The following BLK variants were observed in gnomAD, a reference collection of about 807,000 sequenced individuals.
BLK encodes the protein BLK proto-oncogene, Src family tyrosine kinase.
A neutral mutation model predicts 61.8 loss-of-function variants in BLK; 64 were observed. That is an observed-to-expected ratio of 1.03 (90% CI 0.85 to 1.27). The LOEUF is 1.27. Among genes scored for constraint, BLK ranks in the 50% most tolerant of loss-of-function variants. The probability of loss-of-function intolerance (pLI) is 0.00; values close to 1 mark genes in which losing one functional copy is unlikely to be tolerated. For synonymous variants in BLK, 351 were observed against 272.0 expected (o/e 1.29, Z -2.86); for missense variants, 853 against 660.5 (o/e 1.29, Z -3.19).
chr8:11,543,385 T>C (rs1410881140), intron 2 of BLK, 38 bp downstream of exon 2: 1 of 1,609,686 alleles, frequency 6.2e-7, no homozygotes, highest in Non-Finnish European at 8.5e-7. Context: ...GCAGATTACT[T>C]ACTTCTCCTA....
intron 11 of BLK, among the ~76,000 whole-genome samples, chr8:11,562,592 G>T (rs377530440): frequency 6.6e-6 from 1 of 152,200 alleles, no homozygotes; most frequent in East Asian, 1.9e-4. Flanking sequence ...TAACGGAGGC[G>T]CCCGCAGGTT....
chr8:11,534,532 AC>A (rs1351706159), intron 1 of BLK, among the ~76,000 whole-genome samples: 1 of 152,204 alleles, frequency 6.6e-6, no homozygotes, highest in African/African-American at 2.4e-5. Context: ...CTTTGACTTA[AC>A]ACAGCTTTAT....
At chr8:11,542,452 G>T (rs1228151932) in intron 1 of BLK, among the ~76,000 whole-genome samples, 1 of 152,202 alleles carries the variant, frequency 6.6e-6, no homozygotes, top group Non-Finnish European at 1.5e-5. Context: ...TCTCAGGTCA[G>T]ACTGGACTCC....
intron 1 of BLK, among the ~76,000 whole-genome samples, chr8:11,524,602 C>A (rs182952618): frequency 1.3e-5 from 2 of 152,056 alleles, no homozygotes; most frequent in Non-Finnish European, 2.9e-5. Flanking sequence ...TGCTCTTGAG[C>A]GTGGGAATCC....
chr8:11,554,249 T>G, intron 6 of BLK: 1 of 193,968 alleles, frequency 5.2e-6, no homozygotes, highest in Non-Finnish European at 1.1e-5. Context: ...GCAAATGACT[T>G]TGAACAGAGC....
intron 10 of BLK, among the ~76,000 whole-genome samples, chr8:11,559,492 TACACAAAC>T (rs1563124405): frequency 8.3e-5 from 12 of 144,630 alleles, no homozygotes; most frequent in African/African-American, 3.1e-4. Flanking sequence ...CAAACACATT[TACACAAAC>T]TCACAAACTC....
intron 1 of BLK, among the ~76,000 whole-genome samples, chr8:11,540,458 G>A (rs1356548741): frequency 6.6e-6 from 1 of 151,924 alleles, no homozygotes; most frequent in Non-Finnish European, 1.5e-5. Context: ...ATAAAGCTAG[G>A]TTAAGACTTA....
At chr8:11,495,432 T>C (rs1342484318) in intron 1 of BLK, among the ~76,000 whole-genome samples, 4 of 152,144 alleles carry the variant, frequency 2.6e-5, no homozygotes, top group African/African-American at 4.8e-5. Context: ...AAATAGTAGC[T>C]CTGTAGAGGA....
At chr8:11,561,692 T>C (rs1401347241) in intron 11 of BLK, among the ~76,000 whole-genome samples, 2 of 152,184 alleles carry the variant, frequency 1.3e-5, no homozygotes, top group Non-Finnish European at 2.9e-5. Flanking sequence ...GAAACAGCAG[T>C]CCACCCTACT....
chr8:11,546,211 A>G, intron 3 of BLK, 108 bp downstream of exon 3: 1 of 1,360,576 alleles, frequency 7.3e-7, no homozygotes, highest in Non-Finnish European at 1.0e-6. Flanking sequence ...GGGCTGGAGA[A>G]GAGAAAACGG....
intron 1 of BLK, among the ~76,000 whole-genome samples, chr8:11,496,650 A>G (rs1352529381): frequency 6.6e-6 from 1 of 152,200 alleles, no homozygotes. Flanking sequence ...TGGCACCCCA[A>G]GCACAGGCCC....
intron 1 of BLK, among the ~76,000 whole-genome samples, chr8:11,532,954 C>T (rs1164380189): frequency 6.6e-6 from 1 of 152,208 alleles, no homozygotes; most frequent in African/African-American, 2.4e-5. Context: ...CCTTAAGCCT[C>T]AAGGAGCCTG....
chr8:11,499,164 T>A (rs1053544763), intron 1 of BLK, among the ~76,000 whole-genome samples: 8 of 152,234 alleles, frequency 5.3e-5, no homozygotes, highest in Non-Finnish European at 1.0e-4. Flanking sequence ...CCTGTACCTG[T>A]TCTATGTTTA....
intron 1 of BLK, among the ~76,000 whole-genome samples, chr8:11,534,756 C>T (rs1268003461): frequency 1.3e-5 from 2 of 152,220 alleles, no homozygotes; most frequent in Admixed American, 6.5e-5. Flanking sequence ...GCTAGGTCAG[C>T]CTTTTGCAGG....
intron 1 of BLK, among the ~76,000 whole-genome samples, chr8:11,512,009 G>A (rs779449078): frequency 7.9e-5 from 12 of 152,228 alleles, no homozygotes; most frequent in Non-Finnish European, 1.5e-5. Flanking sequence ...GTTCAAAGAA[G>A]AGAAAGATTT....
chr8:11,538,463 C>T (rs1159275500), intron 1 of BLK, among the ~76,000 whole-genome samples: 1 of 152,218 alleles, frequency 6.6e-6, no homozygotes, highest in East Asian at 1.9e-4. Context: ...GGAAAATCAT[C>T]TGCACACACA....
chr8:11,528,510 A>C (rs563326796), intron 1 of BLK, among the ~76,000 whole-genome samples: 1 of 152,108 alleles, frequency 6.6e-6, no homozygotes, highest in Non-Finnish European at 1.5e-5. Context: ...CCTCACACAC[A>C]CTTGGGCTTC....
chr8:11,562,047 G>A lies in BLK; in HGVS notation c.1180+595G>A, dbSNP rs1585424425. Among the ~76,000 whole-genome samples the A allele has an allele frequency of 2.6e-5, 4 of 152,284 alleles. No homozygotes were observed. In the East Asian group the frequency reaches 7.7e-4, roughly 29 times the overall value. The stretch of plus-strand genomic sequence containing the variant: ...TTGGCCAGGCTGGTCTCGAACTCCT[G>A]AATTTAGGTGATCTGCCTGCCTTGA... On this transcript the variant is annotated intron_variant, in intron 11 of 12. Coordinates refer to ENST00000259089, the MANE Select transcript of BLK (RefSeq NM_001715.3).
rs145058498 is a variant in BLK at position 11,550,274 on chromosome 8, G to A, written c.472+12G>A. 2,266 of 1,612,548 alleles carry A rather than the reference G, an allele frequency of 1.4e-3. 19 individuals are homozygous for A. The African/African-American group carries it at 0.021, about 15-fold the overall frequency. Reference sequence around the variant, plus strand: ...TGAAACCAACAAAGGTAGGCTTGGTGGCTTTGCCTGCCTTCCTTGCCCTGC... The same window carrying A: ...TGAAACCAACAAAGGTAGGCTTGGTAGCTTTGCCTGCCTTCCTTGCCCTGC... On this transcript the variant is annotated intron_variant, in intron 6 of 12. Transcript: ENST00000259089.
Sources: allele counts gnomAD v4.1 joint callset (sites outside exome capture counted in the v4.1 genomes callset), GRCh38; gene constraint gnomAD v4.1.1; transcripts MANE v1.5; gene names NCBI Gene and HGNC (gene_info 2026-07-23, HGNC 2026-07-21).